Variants in LINGO2 observed in about 807,000 individuals in gnomAD.
LINGO2 encodes leucine-rich repeat and immunoglobulin-like domain-containing nogo receptor-interacting protein 2.
A neutral mutation model predicts 30.6 loss-of-function variants in LINGO2; 14 were observed. The observed-to-expected ratio is 0.46, with a 90% CI of 0.30 to 0.72. LINGO2 has a LOEUF of 0.72. Ranked by LOEUF, LINGO2 falls within the 30% of genes least tolerant of loss-of-function variation. The pLI is 0.07. For synonymous variants in LINGO2, 317 were observed against 288.5 expected (o/e 1.10, Z -1.00); for missense variants, 729 against 751.7 (o/e 0.97, Z 0.35).
the LINGO2 span, among the ~76,000 whole-genome samples, chr9:28,937,453 T>G: frequency 6.6e-6 from 1 of 152,208 alleles, no homozygotes; most frequent in Non-Finnish European, 1.5e-5. Context: ...ATGATAGATC[T>G]CAAGCAAGTC....
intron 1 of LINGO2, among the ~76,000 whole-genome samples, chr9:28,506,825 G>C (rs1190063976): frequency 1.3e-5 from 2 of 151,722 alleles, no homozygotes; most frequent in Non-Finnish European, 2.9e-5. Flanking sequence ...TGCCATGTTG[G>C]TCACTTGCAA....
the LINGO2 span, among the ~76,000 whole-genome samples, chr9:28,895,716 C>T: frequency 1.3e-5 from 2 of 151,972 alleles, no homozygotes; most frequent in Admixed American, 1.3e-4. Flanking sequence ...TTGACAGAAC[C>T]TAAGTGTTAC....
chr9:29,040,001 GAT>G, the LINGO2 span, among the ~76,000 whole-genome samples: 4 of 151,934 alleles, frequency 2.6e-5, no homozygotes, highest in East Asian at 3.9e-4. Flanking sequence ...TTCATTTTTA[GAT>G]TCTAATTTGA....
chr9:28,012,781 G>A (rs1351582994), intron 4 of LINGO2, among the ~76,000 whole-genome samples: 2 of 152,076 alleles, frequency 1.3e-5, no homozygotes, highest in Non-Finnish European at 2.9e-5. Context: ...TAGCCCCAAG[G>A]AGCCTACTTT....
chr9:28,881,215 C>T, the LINGO2 span, among the ~76,000 whole-genome samples: 1 of 152,068 alleles, frequency 6.6e-6, no homozygotes, highest in African/African-American at 2.4e-5. Flanking sequence ...CACCCCTTCA[C>T]CGGGTTCCAG....
At chr9:28,885,348 G>A in the LINGO2 span, among the ~76,000 whole-genome samples, 1 of 45,160 alleles carries the variant, frequency 2.2e-5, no homozygotes, top group South Asian at 6.3e-4. Context: ...GCAGCAGGGA[G>A]ATATATATAT....
the LINGO2 span, among the ~76,000 whole-genome samples, chr9:29,129,733 A>T: frequency 6.6e-6 from 1 of 152,130 alleles, no homozygotes; most frequent in African/African-American, 2.4e-5. Context: ...GAAACAAAGT[A>T]ATAAGGAACC....
chr9:27,960,438 C>A (rs79601418), intron 5 of LINGO2, among the ~76,000 whole-genome samples: 67 of 152,236 alleles, frequency 4.4e-4, no homozygotes, highest in African/African-American at 1.6e-3. Context: ...ATTGAGGATT[C>A]CCTATCTTGC....
the LINGO2 span, among the ~76,000 whole-genome samples, chr9:29,187,769 T>C: frequency 3.4e-5 from 5 of 148,426 alleles, no homozygotes; most frequent in Non-Finnish European, 7.4e-5. Context: ...AATGGGAAAG[T>C]ATACATTTCA....
chr9:28,723,046 G>A, the LINGO2 span, among the ~76,000 whole-genome samples: 1 of 152,090 alleles, frequency 6.6e-6, no homozygotes, highest in African/African-American at 2.4e-5. Flanking sequence ...ACTTGAGCAT[G>A]ATTCTTTTTG....
At chr9:28,951,196 A>C in the LINGO2 span, among the ~76,000 whole-genome samples, 1 of 152,156 alleles carries the variant, frequency 6.6e-6, no homozygotes, top group Admixed American at 6.5e-5. Flanking sequence ...ACATGCAGAA[A>C]ACTGAAACTG....
intron 1 of LINGO2, among the ~76,000 whole-genome samples, chr9:28,537,104 C>T (rs1360533573): frequency 6.6e-6 from 1 of 151,980 alleles, no homozygotes; most frequent in Admixed American, 6.6e-5. Context: ...AACAGAAGAC[C>T]ATATACTCCA....
At chr9:28,040,512 G>A (rs985348434) in intron 4 of LINGO2, among the ~76,000 whole-genome samples, 27 of 72,914 alleles carry the variant, frequency 3.7e-4, no homozygotes, top group Non-Finnish European at 6.4e-4. Flanking sequence ...CTTTCCCCTC[G>A]AAAGGTTCAT....
chr9:28,149,160 A>C lies in LINGO2; in HGVS notation c.-86-136755T>G, dbSNP rs1827907609. ...ATGAGGGTGTTAAGTAGAACATCAA[A>C]ATTCAGGAGAGTAAGAGAGCTGCTT... is the stretch of plus-strand genomic sequence containing the variant. On this transcript the variant is annotated intron_variant, in intron 4 of 5. Coordinates refer to ENST00000379992, the Ensembl canonical transcript of LINGO2. 2.8e-6 allele frequency: 4 copies of C among 1,410,236 alleles called. No individual in the cohort carries two copies. In the East Asian group the frequency reaches 9.9e-5, roughly 35 times the overall value. The allele number at this position is 1,410,236 out of a possible 1,614,324, so 87.4% of individuals were successfully genotyped here.
chr9:28,602,498 A>G (rs2135751232), intron 1 of LINGO2, among the ~76,000 whole-genome samples: 1 of 152,200 alleles, frequency 6.6e-6, no homozygotes, highest in Admixed American at 6.6e-5. Context: ...AGTTGCAGGT[A>G]CATAATTTTT....
chr9:28,253,491 A>C (rs1045138373), intron 4 of LINGO2, among the ~76,000 whole-genome samples: 1 of 152,162 alleles, frequency 6.6e-6, no homozygotes, highest in Non-Finnish European at 1.5e-5. Flanking sequence ...TCCAGAGGTA[A>C]ATATATTCCT....
At chr9:29,045,124 T>A in the LINGO2 span, among the ~76,000 whole-genome samples, 4 of 152,130 alleles carry the variant, frequency 2.6e-5, no homozygotes, top group African/African-American at 9.7e-5. Flanking sequence ...ATGTATAGCT[T>A]GAATACACTG....
chr9:28,556,704 A>C (rs1403480288), intron 1 of LINGO2, among the ~76,000 whole-genome samples: 1 of 151,992 alleles, frequency 6.6e-6, no homozygotes, highest in Non-Finnish European at 1.5e-5. Flanking sequence ...TCCTAAGCCA[A>C]AAGAACAAAG....
At chr9:29,148,676 T>TTAAACATAAATACACTTAAACA in the LINGO2 span, among the ~76,000 whole-genome samples, 1 of 152,168 alleles carries the variant, frequency 6.6e-6, no homozygotes, top group Non-Finnish European at 1.5e-5. Flanking sequence ...TTAATCACAT[T>TTAAACATAAATACACTTAAACA]TAAACACACT....
Sources: gnomAD v4.1 joint callset for allele counts (sites outside exome capture counted in the v4.1 genomes callset) on GRCh38, gnomAD v4.1.1 for gene constraint, MANE v1.5 for transcripts, NCBI Gene and HGNC (gene_info 2026-07-23, HGNC 2026-07-21) for gene names.